Variants in CNTNAP2 observed in about 807,000 individuals in gnomAD.
CNTNAP2 encodes contactin associated protein 2, also known as contactin-associated protein-like 2.
CNTNAP2 carries 98 observed loss-of-function variants against 155.2 expected under a neutral mutation model. The ratio of observed to expected loss-of-function variants is 0.63; its 90% CI spans 0.54 to 0.75. CNTNAP2 has a LOEUF of 0.75. Among genes scored for constraint, CNTNAP2 ranks in the 30% least tolerant of loss-of-function variants. The pLI, the probability that CNTNAP2 is intolerant of heterozygous loss-of-function variation, is 0.00. For synonymous variants in CNTNAP2, 651 were observed against 631.2 expected (o/e 1.03, Z -0.47); for missense variants, 1,727 against 1,688.1 (o/e 1.02, Z -0.40).
At chr7:147,425,716 G>A (rs934579034) in intron 10 of CNTNAP2, among the ~76,000 whole-genome samples, 1 of 152,008 alleles carries the variant, frequency 6.6e-6, no homozygotes, top group Admixed American at 6.6e-5. Context: ...CCCAAGGAAG[G>A]GTAAATGGAA....
chr7:147,119,139 C>A (rs1319909891), intron 5 of CNTNAP2, among the ~76,000 whole-genome samples: 1 of 152,124 alleles, frequency 6.6e-6, no homozygotes, highest in Non-Finnish European at 1.5e-5. Flanking sequence ...CACATGCACA[C>A]GTGTGCACAC....
chr7:148,346,773 T>TAA (rs71188973), intron 21 of CNTNAP2, among the ~76,000 whole-genome samples: 14 of 147,046 alleles, frequency 9.5e-5, no homozygotes, highest in East Asian at 2.0e-4. Context: ...ACTCCATCTT[T>TAA]AAAAAAAAAA....
At chr7:148,390,821 C>T (rs1298344630) in intron 22 of CNTNAP2, among the ~76,000 whole-genome samples, 6 of 152,192 alleles carry the variant, frequency 3.9e-5, no homozygotes, top group Non-Finnish European at 5.9e-5. Context: ...GTTACCTCTC[C>T]AATGTCCTTT....
At chr7:146,150,623 C>T (rs1445646728) in intron 1 of CNTNAP2, among the ~76,000 whole-genome samples, 3 of 151,884 alleles carry the variant, frequency 2.0e-5, no homozygotes, top group African/African-American at 7.3e-5. Flanking sequence ...TTTAACTCCT[C>T]TAATTCTTAT....
chr7:148,374,894 A>G (rs1798954569), intron 21 of CNTNAP2, among the ~76,000 whole-genome samples: 1 of 152,216 alleles, frequency 6.6e-6, no homozygotes. Context: ...AGTAAATCAT[A>G]GCACCCAGCT....
intron 2 of CNTNAP2, among the ~76,000 whole-genome samples, chr7:146,818,934 T>C (rs557205596): frequency 6.6e-6 from 1 of 152,096 alleles, no homozygotes; most frequent in Non-Finnish European, 1.5e-5. Context: ...TTCATTAAGG[T>C]AGGTAAATTT....
intron 20 of CNTNAP2, among the ~76,000 whole-genome samples, chr7:148,239,397 T>C (rs1460288256): frequency 6.6e-6 from 1 of 152,212 alleles, no homozygotes; most frequent in African/African-American, 2.4e-5. Flanking sequence ...ATATAGAAGA[T>C]CTATGGGAAG....
intron 9 of CNTNAP2, among the ~76,000 whole-genome samples, chr7:147,347,423 T>TATATATATATATATGC (rs1795885263): frequency 1.9e-5 from 1 of 52,612 alleles, no homozygotes; most frequent in African/African-American, 7.5e-5. Context: ...GAAAAGATTA[T>TATATATATATATATGC]ATATATATAT....
chr7:146,998,146 C>T (rs978009843), intron 3 of CNTNAP2, among the ~76,000 whole-genome samples: 1 of 151,742 alleles, frequency 6.6e-6, no homozygotes, highest in Admixed American at 6.6e-5. Flanking sequence ...GGAGATTTTT[C>T]ATATACTCTG....
intron 20 of CNTNAP2, among the ~76,000 whole-genome samples, chr7:148,241,862 C>T (rs1264576596): frequency 6.6e-6 from 1 of 152,190 alleles, no homozygotes; most frequent in Non-Finnish European, 1.5e-5. Context: ...CAGGGCTAGA[C>T]AGTACCTCCA....
At chr7:146,397,159 C>T (rs1424443305) in intron 1 of CNTNAP2, among the ~76,000 whole-genome samples, 1 of 152,156 alleles carries the variant, frequency 6.6e-6, no homozygotes, top group South Asian at 2.1e-4. Flanking sequence ...GACCCAGTGG[C>T]TTTAATAACA....
chr7:146,222,800 C>T (rs556516153), intron 1 of CNTNAP2, among the ~76,000 whole-genome samples: 44 of 151,666 alleles, frequency 2.9e-4, no homozygotes, highest in Admixed American at 6.6e-4. Context: ...GGACTACAGG[C>T]GCCCGCCACC....
chr7:147,378,529 C>G (rs1223699072), intron 9 of CNTNAP2, among the ~76,000 whole-genome samples: 2 of 151,998 alleles, frequency 1.3e-5, no homozygotes, highest in African/African-American at 4.8e-5. Flanking sequence ...TGTGCGTTCT[C>G]ACTCATTTGT....
intron 3 of CNTNAP2, among the ~76,000 whole-genome samples, chr7:146,855,606 TTAAG>T (rs1794963073): frequency 6.6e-6 from 1 of 151,606 alleles, no homozygotes; most frequent in Non-Finnish European, 1.5e-5. Context: ...TAACTTTTGT[TTAAG>T]AAAGAAGAAA....
chr7:148,341,105 G>A (rs1351997728), intron 21 of CNTNAP2, among the ~76,000 whole-genome samples: 1 of 152,136 alleles, frequency 6.6e-6, no homozygotes, highest in Non-Finnish European at 1.5e-5. Flanking sequence ...GAAACACCAA[G>A]GTGGCCCGTC....
In CNTNAP2 at chr7:146,513,996, T is replaced by A. The variant is rs188200407; in HGVS notation, c.98-260275T>A. On this transcript the variant is annotated intron_variant, in intron 1 of 23. Coordinates refer to ENST00000361727, the MANE Select transcript of CNTNAP2 (RefSeq NM_014141.6). Reference sequence around the variant, plus strand: ...GCAAGTTTTTTACTTCAGTACTTTTTATATATCCTTTTTTTAACTTCAGTA... The same window carrying A: ...GCAAGTTTTTTACTTCAGTACTTTTAATATATCCTTTTTTTAACTTCAGTA... Among the ~76,000 whole-genome samples, 3 of 152,132 alleles carry A rather than the reference T, an allele frequency of 2.0e-5. No homozygotes were observed. In the East Asian group the frequency reaches 5.8e-4, roughly 29 times the overall value.
chr7:146,242,715 A>G (rs547102170), intron 1 of CNTNAP2, among the ~76,000 whole-genome samples: 1 of 152,338 alleles, frequency 6.6e-6, no homozygotes, highest in African/African-American at 2.4e-5. Flanking sequence ...TTTGGAGTAA[A>G]GTGAACACAA....
chr7:147,579,540 T>C (rs1800458914), intron 12 of CNTNAP2, among the ~76,000 whole-genome samples: 1 of 152,214 alleles, frequency 6.6e-6, no homozygotes. Flanking sequence ...TAATATGCCA[T>C]TTATAGCCAA....
intron 2 of CNTNAP2, among the ~76,000 whole-genome samples, chr7:146,790,931 T>C (rs1207956862): frequency 2.0e-5 from 3 of 152,058 alleles, no homozygotes; most frequent in African/African-American, 7.2e-5. Flanking sequence ...CAGTCTTTTT[T>C]TTTTTTAACT....
Sources: allele counts gnomAD v4.1 joint callset (sites outside exome capture counted in the v4.1 genomes callset), GRCh38; gene constraint gnomAD v4.1.1; transcripts MANE v1.5; gene names NCBI Gene and HGNC (gene_info 2026-07-23, HGNC 2026-07-21).